Variants in MAN2B1 observed in about 807,000 individuals in gnomAD.
The protein encoded by MAN2B1 is mannosidase alpha class 2B member 1.
In MAN2B1, 99 loss-of-function variants were observed where a neutral mutation model predicts 127.5. The observed-to-expected ratio is 0.78, with a 90% CI of 0.66 to 0.92. The LOEUF (loss-of-function observed/expected upper bound fraction) is 0.92, where lower values mean the gene tolerates loss of function less well. MAN2B1 is among the 40% of genes least tolerant of loss of function. MAN2B1 has a pLI of 0.00. For synonymous variants in MAN2B1, 573 were observed against 568.8 expected, an observed-to-expected ratio of 1.01 and a Z score of -0.11; for missense variants, 1,304 against 1,384.8, an observed-to-expected ratio of 0.94 and a Z score of 0.93.
At position 12,646,573 on chromosome 19, in the gene MAN2B1, G is replaced by A. The variant is rs1354931186; in HGVS notation, c.*47C>T. ...CAAGAGGAGAGTCAGAGTCTGGTCT[G>A]CCCCCGGAGCAGGAGGCTTGGGCTT... is the stretch of plus-strand genomic sequence containing the variant. On this transcript the variant is annotated 3_prime_UTR_variant, in exon 24 of 24. Coordinates refer to ENST00000456935, the MANE Select transcript of MAN2B1 (RefSeq NM_000528.4). 1 of 1,404,690 alleles carries A rather than the reference G, an allele frequency of 7.1e-7. No homozygotes were observed. The highest frequency in any genetic ancestry group is 1.0e-6 in the Non-Finnish European group (1 of 989,504). 87.0% of individuals were successfully genotyped at this position (1,404,690 alleles called of 1,614,324 possible). A position where few individuals can be genotyped will look rare whatever the true frequency, so the allele number is the denominator to read the frequency against.
At position 12,647,414 on chromosome 19, in the gene MAN2B1, G is replaced by A. The variant is rs746289340; in HGVS notation, c.2820+29C>T. ...CTCTCCCTCTCTCTTGCCTCTCTCC[G>A]ATCTCCTTCTCAATTTTGCCCTTCT... On this transcript the variant is annotated intron_variant, in intron 22 of 23. Transcript: ENST00000456935. The surrounding 1 kb of genome is among the most constrained non-coding windows in gnomAD (Gnocchi z 4.9). 3.1e-6 allele frequency: 5 copies of A among 1,613,490 alleles called. No individual in the cohort carries two copies. The highest frequency in any genetic ancestry group is 1.1e-5 in the South Asian group (1 of 91,066).
rs551744321 is a variant in MAN2B1, at chr19:12,657,697, G to T, written c.1310-142C>A. The stretch of plus-strand genomic sequence containing the variant: ...AGGACGGCTGGGGGCGGTGGCTCAC[G>T]CCTGTAATCCCAGCACTTTGAGAGA... On this transcript the variant is annotated intron_variant, in intron 10 of 23. Coordinates refer to ENST00000456935, the MANE Select transcript of MAN2B1 (RefSeq NM_000528.4). 7.9e-6 allele frequency: 6 copies of T among 761,284 alleles called. No homozygotes were observed. The African/African-American group carries it at 8.6e-5, about 11-fold the overall frequency. 47.2% of individuals were successfully genotyped at this position (761,284 alleles called of 1,614,324 possible). A position where few individuals can be genotyped will look rare whatever the true frequency, so the allele number is the denominator to read the frequency against.
At chr19:12,652,782 T>C (rs1219978575) in intron 14 of MAN2B1, among the ~76,000 whole-genome samples, 1 of 151,992 alleles carries the variant, frequency 6.6e-6, no homozygotes, top group Non-Finnish European at 1.5e-5. Flanking sequence ...TCTGCTCACC[T>C]TGGCCTCCCA....
chr19:12,661,416 G>T (rs745661390), intron 6 of MAN2B1, 40 bp from the exon 7 acceptor site: 2 of 1,313,580 alleles, frequency 1.5e-6, no homozygotes, highest in South Asian at 2.3e-5. Flanking sequence ...GAGGATCCTG[G>T]GCCATCCCTG....
chr19:12,657,687 G>A (rs911313817), intron 10 of MAN2B1, 132 bp from the exon 11 acceptor site: 1 of 809,126 alleles, frequency 1.2e-6, no homozygotes, highest in East Asian at 2.7e-5. Flanking sequence ...GGCTGGGGGC[G>A]GTGGCTCACG....
In MAN2B1 at chr19:12,657,560, T is replaced by G. The variant is rs1458939481; in HGVS notation, c.1310-5A>C. On this transcript the variant is annotated splice_region_variant and splice_polypyrimidine_tract_variant and intron_variant, in intron 10 of 23. Transcript: ENST00000456935. ...GGAGCACAGCCATCGCCTCATCTGC[T>G]CATAGACAATGAGTCCGGTGAGGTT... 1 of 1,556,680 alleles carries G rather than the reference T, an allele frequency of 6.4e-7. No individual in the cohort carries two copies.
At chr19:12,659,298 T>C (rs78066691) in intron 7 of MAN2B1, among the ~76,000 whole-genome samples, 1 of 52,730 alleles carries the variant, frequency 1.9e-5, no homozygotes, top group Admixed American at 1.4e-4. Context: ...CTCAATAAAC[T>C]TTTTTTTTTT....
At position 12,649,353 on chromosome 19, in the gene MAN2B1, C is replaced by A; in HGVS notation, c.2343G>T (p.Arg781=). The part of the protein sequence containing the change: ...VAGNYYPVNT[R]IYITDGNMQL... ...GGGGGAGAGCTACCGTGATGTAAAT[C>A]CGGGTGTTGACTGGATAGTAGTTTC... Residue 781 remains arginine, a synonymous_variant, in exon 19 of 24, where the codon CGG becomes CGT. Transcript: ENST00000456935. 1 of 1,613,576 alleles carries A rather than the reference C, an allele frequency of 6.2e-7. No homozygotes were observed. The highest frequency in any genetic ancestry group is 8.5e-7 in the Non-Finnish European group (1 of 1,179,774).
In MAN2B1 at chr19:12,650,083, C is replaced by T. The variant is rs778053346; in HGVS notation, c.2165+21G>A. The T allele has an allele frequency of 8.1e-6, 13 of 1,612,652 alleles. No individual in the cohort carries two copies. In the South Asian group the frequency reaches 9.9e-5, roughly 12 times the overall value. On this transcript the variant is annotated intron_variant, in intron 17 of 23. Coordinates refer to ENST00000456935, the MANE Select transcript of MAN2B1 (RefSeq NM_000528.4). ...CCTCTGCCCTTGCTTCCACACCCCT[C>T]TCCCAGCCTGTGCCACTCACCCCAC...
At chr19:12,665,583 A>T in intron 2 of MAN2B1, 58 bp from the exon 3 acceptor site, 1 of 1,605,710 alleles carries the variant, frequency 6.2e-7, no homozygotes, top group Non-Finnish European at 8.5e-7. Flanking sequence ...GGTTATTCCT[A>T]GACAGAGGAG....
intron 5 of MAN2B1, 29 bp downstream of exon 5, chr19:12,663,674 G>T: frequency 6.3e-7 from 1 of 1,591,728 alleles, no homozygotes; most frequent in Non-Finnish European, 8.6e-7. Flanking sequence ...TGGCACCATG[G>T]CTGGCCCTGC....
At chr19:12,665,890 T>A in intron 1 of MAN2B1, 85 bp from the exon 2 acceptor site, 1 of 1,067,968 alleles carries the variant, frequency 9.4e-7, no homozygotes, top group Non-Finnish European at 1.4e-6. Flanking sequence ...TAGAGGTGAG[T>A]GACTCAGAGA....
At chr19:12,651,677 A>C (rs1354042688) in intron 16 of MAN2B1, among the ~76,000 whole-genome samples, 1 of 152,178 alleles carries the variant, frequency 6.6e-6, no homozygotes, top group East Asian at 1.9e-4. Context: ...CATCAATGAG[A>C]GGCCCTGGGA....
At chr19:12,653,675 C>T (rs1269088037) in intron 14 of MAN2B1, among the ~76,000 whole-genome samples, 1 of 151,932 alleles carries the variant, frequency 6.6e-6, no homozygotes. Context: ...GTGTCCAACT[C>T]CTGGGCTCAA....
At chr19:12,660,454 A>G (rs1426415723) in intron 7 of MAN2B1, among the ~76,000 whole-genome samples, 1 of 152,146 alleles carries the variant, frequency 6.6e-6, no homozygotes, top group Non-Finnish European at 1.5e-5. Flanking sequence ...GTGAGCCGAG[A>G]GCACGCCACT....
At position 12,655,687 on chromosome 19, in the gene MAN2B1, G is replaced by A. The variant is rs2145249984; in HGVS notation, c.1830+7C>T. Reference sequence around the variant, plus strand: ...GAGCAGGAAAGGGGATTGAAATGGGGTCTCACCTCATTTTCGATGGTTAAA... The same window carrying A: ...GAGCAGGAAAGGGGATTGAAATGGGATCTCACCTCATTTTCGATGGTTAAA... On this transcript the variant is annotated splice_region_variant and intron_variant, in intron 14 of 23. Coordinates refer to ENST00000456935, the MANE Select transcript of MAN2B1 (RefSeq NM_000528.4). 3 of 1,608,560 alleles carry A rather than the reference G, an allele frequency of 1.9e-6. No individual in the cohort carries two copies. Among genetic ancestry groups the A allele is most frequent in the Non-Finnish European group, 2.6e-6 (3 of 1,176,394 alleles).
chr19:12,660,433 C>T (rs943655286), intron 7 of MAN2B1, among the ~76,000 whole-genome samples: 1 of 152,090 alleles, frequency 6.6e-6, no homozygotes, highest in African/African-American at 2.4e-5. Context: ...ACCCAGGAGG[C>T]GGAGGTTGCA....
rs529810739 is a variant in MAN2B1, at chr19:12,646,528, C to T, written c.*92G>A. 4 of 965,364 alleles carry T rather than the reference C, an allele frequency of 4.1e-6. No homozygotes were observed. Among genetic ancestry groups the T allele is most frequent in the East Asian group, 4.9e-5 (2 of 41,126 alleles). The allele number at this position is 965,364 out of a possible 1,614,324, so 59.8% of individuals were successfully genotyped here. On this transcript the variant is annotated 3_prime_UTR_variant, in exon 24 of 24. Coordinates refer to ENST00000456935, the MANE Select transcript of MAN2B1 (RefSeq NM_000528.4). ...AGAGCGACCTGAGTCTTAGTAGTAG[C>T]GTTTTAATGGCAGCAGCCCCAAGAG...
intron 18 of MAN2B1, 71 bp from the exon 19 acceptor site, chr19:12,649,499 T>TTTTTTTTTTTTG (rs2023788096): frequency 1.4e-6 from 1 of 729,218 alleles, no homozygotes; most frequent in Admixed American, 2.6e-5. Flanking sequence ...TTTTTTTTTT[T>TTTTTTTTTTTTG]GAGATGGAGT....
Sources: gnomAD v4.1 joint callset for allele counts (sites outside exome capture counted in the v4.1 genomes callset) on GRCh38, gnomAD v4.1.1 for gene constraint, Gnocchi (gnomAD v3.1) non-coding constraint, MANE v1.5 for transcripts, NCBI Gene and HGNC (gene_info 2026-07-23, HGNC 2026-07-21) for gene names.